GSDME: variants seen among roughly 807,000 people sequenced by gnomAD.
The protein encoded by GSDME is gasdermin E.
A neutral mutation model predicts 47.5 loss-of-function variants in GSDME; 44 were observed. That is an observed-to-expected ratio of 0.93 (90% confidence interval 0.73 to 1.19). GSDME has a LOEUF of 1.19. GSDME is among the 50% of genes most tolerant of loss of function. The probability of loss-of-function intolerance (pLI) is 0.00; values close to 1 mark genes in which losing one functional copy is unlikely to be tolerated. For synonymous variants in GSDME, 258 were observed against 252.8 expected (o/e 1.02, Z -0.20); for missense variants, 663 against 604.2 (o/e 1.10, Z -1.02).
At chr7:24,704,203 T>C (rs889219355) in intron 8 of GSDME, 48 of 152,228 alleles carry the variant, frequency 3.2e-4, no homozygotes, top group African/African-American at 9.4e-4. Flanking sequence ...TTGTTAAATG[T>C]TTCTTGAACT....
intron 8 of GSDME, chr7:24,703,374 G>A: frequency 5.4e-6 from 1 of 184,608 alleles, no homozygotes. Context: ...GCCAGGAGCA[G>A]CAACAGCAGA....
rs1006099057 is a variant in GSDME, at chr7:24,742,129, A to G, written c.404+2433T>C. On this transcript the variant is annotated intron_variant, in intron 3 of 9. Coordinates refer to ENST00000645220, the MANE Select transcript of GSDME (RefSeq NM_001127453.2). The surrounding 1 kb of genome is among the most constrained non-coding windows in gnomAD (Gnocchi z 4.4). ...CAGGAGAGCAGGCCTCGCTATGCAC[A>G]TGTGCCTGCTCAGGATAGTTTCTAT... Among the ~76,000 whole-genome samples, 2 of 152,150 alleles carry G rather than the reference A, an allele frequency of 1.3e-5. No individual in the cohort carries two copies. Among genetic ancestry groups the G allele is most frequent in the Non-Finnish European group, 2.9e-5 (2 of 68,028 alleles).
rs1436866372 is a variant in GSDME at position 24,736,158 on chromosome 7, A to G, written c.404+8404T>C. Among the ~76,000 whole-genome samples the G allele has an allele frequency of 6.6e-6, 1 of 152,222 alleles. No homozygotes were observed. The highest frequency in any genetic ancestry group is 2.4e-5 in the African/African-American group (1 of 41,458). ...ACAAAACAAATAATAAAATGACAGG[A>G]GTAAATCCTTACTTATCAATAATAA... On this transcript the variant is annotated intron_variant, in intron 3 of 9. Coordinates refer to ENST00000645220, the MANE Select transcript of GSDME (RefSeq NM_001127453.2). The surrounding 1 kb of genome is among the most constrained non-coding windows in gnomAD (Gnocchi z 4.6).
At position 24,742,687 on chromosome 7, in the gene GSDME, C is replaced by T. The variant is rs1352976805; in HGVS notation, c.404+1875G>A. ...AAATAGAAATAACGAGACTGCAAAG[C>T]GCATCTAAGCTAGAGAGGGTTGGGT... On this transcript the variant is annotated intron_variant, in intron 3 of 9. Coordinates refer to ENST00000645220, the MANE Select transcript of GSDME (RefSeq NM_001127453.2). The surrounding 1 kb of genome is among the most constrained non-coding windows in gnomAD (Gnocchi z 4.4). Among the ~76,000 whole-genome samples, 1 of 152,180 alleles carries T rather than the reference C, an allele frequency of 6.6e-6. No homozygotes were observed. The highest frequency in any genetic ancestry group is 1.9e-4 in the East Asian group (1 of 5,202).
At position 24,742,450 on chromosome 7, in the gene GSDME, A is replaced by C. The variant is rs1045933395; in HGVS notation, c.404+2112T>G. Among the ~76,000 whole-genome samples, 1 of 152,080 alleles carries C rather than the reference A, an allele frequency of 6.6e-6. No homozygotes were observed. Among genetic ancestry groups the C allele is most frequent in the African/African-American group, 2.4e-5 (1 of 41,398 alleles). The stretch of plus-strand genomic sequence containing the variant: ...CTGGCACACAGTAGGTGCTCTGCGG[A>C]TGCTCCTTTCCTTTCCCTCCCCCAC... On this transcript the variant is annotated intron_variant, in intron 3 of 9. Transcript: ENST00000645220. This position sits in a 1 kb window ranked among gnomAD's most constrained non-coding sequence, Gnocchi z 4.4.
At chr7:24,748,167 TA>T (rs68107646) in intron 2 of GSDME, among the ~76,000 whole-genome samples, 11,050 of 100,228 alleles carry the variant, frequency 0.11, 612 homozygotes, top group East Asian at 0.42. Flanking sequence ...TATATATATA[TA>T]TTTTTTTTTG....
Position 24,725,402 on chromosome 7 carries a change from A to T in GSDME, c.405-6184T>A, listed in dbSNP as rs1175642811. On this transcript the variant is annotated intron_variant, in intron 3 of 9. Transcript: ENST00000645220. The surrounding 1 kb of genome is among the most constrained non-coding windows in gnomAD (Gnocchi z 5.1). ...GCCAGAATTTTCAGGATGCTTTATAAGGGAGCCCTCAGCCAGGTGTAGGAG... is the reference window on the plus strand; with the variant it reads ...GCCAGAATTTTCAGGATGCTTTATATGGGAGCCCTCAGCCAGGTGTAGGAG... Among the ~76,000 whole-genome samples the T allele has an allele frequency of 6.6e-6, 1 of 152,156 alleles. No homozygotes were observed. The highest frequency in any genetic ancestry group is 2.4e-5 in the African/African-American group (1 of 41,438).
chr7:24,708,264 C>G lies in GSDME; in HGVS notation c.863-10G>C, dbSNP rs561683731. The G allele has an allele frequency of 6.8e-6, 11 of 1,613,816 alleles. No homozygotes were observed. The highest frequency in any genetic ancestry group is 4.5e-5 in the East Asian group (2 of 44,898). On this transcript the variant is annotated splice_polypyrimidine_tract_variant and intron_variant, in intron 6 of 9. Coordinates refer to ENST00000645220, the MANE Select transcript of GSDME (RefSeq NM_001127453.2). ...TCCAGGAGCAGGGTCGCTGTGAAAA[C>G]AAAGCACACCCAAGTCTCATGACTG...
rs773870540 is a variant in GSDME, at chr7:24,710,251, C to G, written c.835G>C (p.Asp279His). 1 of 1,614,108 alleles carries G rather than the reference C, an allele frequency of 6.2e-7. No homozygotes were observed. Among genetic ancestry groups the G allele is most frequent in the South Asian group, 1.1e-5 (1 of 91,076 alleles). ...PDAAHGISSQ[D>H]GPLSVLKQAT... ...TGCTTTAAAACACTTAATGGTCCAT[C>G]CTGGGAAGATATCCCATGCGCAGCA... The change falls in exon 6 of 10, where the codon GAT becomes CAT. Residue 279 changes from aspartate (D) to histidine (H), a missense_variant. Transcript: ENST00000645220.
At chr7:24,794,405 C>T in the GSDME span, among the ~76,000 whole-genome samples, 1 of 152,094 alleles carries the variant, frequency 6.6e-6, no homozygotes, top group Non-Finnish European at 1.5e-5. Context: ...GAGAGACCGG[C>T]GGGAGTAGAG....
intron 5 of GSDME, among the ~76,000 whole-genome samples, chr7:24,711,644 G>A (rs543314550): frequency 5.3e-5 from 8 of 151,986 alleles, no homozygotes; most frequent in South Asian, 2.1e-4. Context: ...GTGAGACCCC[G>A]TCTCTACAAA....
At chr7:24,762,394 C>T (rs1173266582), upstream of GSDME, among the ~76,000 whole-genome samples, 1 of 152,112 alleles carries the variant, frequency 6.6e-6, no homozygotes, top group Non-Finnish European at 1.5e-5. Flanking sequence ...AGTAGTCAGC[C>T]ACCAGATGTC....
chr7:24,709,630 T>A (rs1473936418), intron 6 of GSDME, among the ~76,000 whole-genome samples: 1 of 152,106 alleles, frequency 6.6e-6, no homozygotes, highest in African/African-American at 2.4e-5. Context: ...TCTCCTCCTA[T>A]ATGCTGCGCC....
intron 5 of GSDME, among the ~76,000 whole-genome samples, chr7:24,715,901 TGAGAGAGGGAGAC>T (rs1239568786): frequency 2.5e-4 from 38 of 152,122 alleles, no homozygotes; most frequent in African/African-American, 8.4e-4. Context: ...ATTTGCAGAA[TGAGAGAGGGAGAC>T]TCTGTGCACT....
At chr7:24,751,625 A>G (rs575984677) in intron 1 of GSDME, among the ~76,000 whole-genome samples, 2 of 152,366 alleles carry the variant, frequency 1.3e-5, no homozygotes, top group African/African-American at 2.4e-5. Context: ...AAAATATGCA[A>G]GGAAGTTCCT....
At chr7:24,761,051 C>T (rs1386581588), upstream of GSDME, among the ~76,000 whole-genome samples, 1 of 152,250 alleles carries the variant, frequency 6.6e-6, no homozygotes, top group African/African-American at 2.4e-5. The surrounding 1 kb of genome is among the most constrained non-coding windows in gnomAD (Gnocchi z 4.4). Context: ...TTATCAACTG[C>T]TGTATAACAA....
At position 24,725,116 on chromosome 7, in the gene GSDME, C is replaced by A. The variant is rs148408768; in HGVS notation, c.405-5898G>T. On this transcript the variant is annotated intron_variant, in intron 3 of 9. Transcript: ENST00000645220. The surrounding 1 kb of genome is among the most constrained non-coding windows in gnomAD (Gnocchi z 5.1). Reference sequence around the variant, plus strand: ...TTAAACCTCTCTTCTGTATAAATTACCCAGTCTCAGGTATTTCCTTATAAT... The same window carrying A: ...TTAAACCTCTCTTCTGTATAAATTAACCAGTCTCAGGTATTTCCTTATAAT... 6.6e-6 allele frequency among the ~76,000 whole-genome samples: 1 copy of A among 152,184 alleles called. No homozygotes were observed. The highest frequency in any genetic ancestry group is 1.9e-4 in the East Asian group (1 of 5,204).
the GSDME span, among the ~76,000 whole-genome samples, chr7:24,763,809 G>A: frequency 6.6e-6 from 1 of 152,212 alleles, no homozygotes; most frequent in Non-Finnish European, 1.5e-5. The surrounding 1 kb of genome is among the most constrained non-coding windows in gnomAD (Gnocchi z 4.3). Flanking sequence ...TGGGTTTCGA[G>A]AGCAGTGGCC....
Position 24,744,814 on chromosome 7 carries a change from G to A in GSDME, c.212-60C>T. ...ATGATAAGGCCACCAAGATGTCTTG[G>A]GTCATTTAGCTTTCCAAGCCTGTGC... On this transcript the variant is annotated intron_variant, in intron 2 of 9. Transcript: ENST00000645220. This position sits in a 1 kb window ranked among gnomAD's most constrained non-coding sequence, Gnocchi z 4.5. 1 of 1,580,662 alleles carries A rather than the reference G, an allele frequency of 6.3e-7. No homozygotes were observed. The highest frequency in any genetic ancestry group is 1.1e-5 in the South Asian group (1 of 88,930).
Sources: allele counts gnomAD v4.1 joint callset (sites outside exome capture counted in the v4.1 genomes callset), GRCh38; gene constraint gnomAD v4.1.1; non-coding constraint Gnocchi (gnomAD v3.1); transcripts MANE v1.5; gene names NCBI Gene and HGNC (gene_info 2026-07-23, HGNC 2026-07-21).